Variants in ST6GAL1 observed in about 807,000 individuals in gnomAD.
ST6GAL1 encodes the protein beta-galactoside alpha-2,6-sialyltransferase 1.
ST6GAL1 carries 20 observed loss-of-function variants against 38.0 expected under a neutral mutation model. That is an observed-to-expected ratio of 0.53 (90% CI 0.37 to 0.77). ST6GAL1 has a LOEUF of 0.77. Among genes scored for constraint, ST6GAL1 ranks in the 30% least tolerant of loss-of-function variants. The pLI is 0.00. For missense variants in ST6GAL1, 432 were observed against 496.4 expected (o/e 0.87, Z 1.23); for synonymous variants, 196 against 188.2 (o/e 1.04, Z -0.34).
intron 5 of ST6GAL1, among the ~76,000 whole-genome samples, chr3:187,053,476 T>C (rs1322651996): frequency 6.6e-6 from 1 of 152,234 alleles, no homozygotes; most frequent in Non-Finnish European, 1.5e-5. Context: ...AATTTTTGTG[T>C]AAGGTGTAAG....
At chr3:186,977,470 G>A (rs1013089470) in intron 2 of ST6GAL1, among the ~76,000 whole-genome samples, 4 of 152,180 alleles carry the variant, frequency 2.6e-5, no homozygotes, top group East Asian at 3.9e-4. Flanking sequence ...TGCCCTTGCC[G>A]GGAACAGCTG....
Position 187,075,895 on chromosome 3 carries a change from G to A in ST6GAL1, c.*92G>A. 6.5e-7 allele frequency: 1 copy of A among 1,549,564 alleles called. No homozygotes were observed. The highest frequency in any genetic ancestry group is 1.2e-5 in the South Asian group (1 of 80,260). ...AAGAACATTTTCCTGAACAATTCCA[G>A]CCTGCTCCTTTTACTCTAGGGGCCT... On this transcript the variant is annotated 3_prime_UTR_variant, in exon 8 of 8. Coordinates refer to ENST00000169298, the MANE Select transcript of ST6GAL1 (RefSeq NM_173216.2). This position sits in a 1 kb window ranked among gnomAD's most constrained non-coding sequence, Gnocchi z 4.1.
At chr3:186,995,035 C>T (rs1428743752) in intron 2 of ST6GAL1, among the ~76,000 whole-genome samples, 1 of 151,856 alleles carries the variant, frequency 6.6e-6, no homozygotes, top group Non-Finnish European at 1.5e-5. Flanking sequence ...TTCCTTAATA[C>T]CAGATATGGA....
intron 2 of ST6GAL1, among the ~76,000 whole-genome samples, chr3:186,964,684 C>T (rs1265610320): frequency 2.6e-5 from 4 of 152,064 alleles, no homozygotes; most frequent in Non-Finnish European, 5.9e-5. Flanking sequence ...TTGTTAAAAA[C>T]GATTAAAAAC....
chr3:187,029,102 A>AT (rs1717650904), intron 2 of ST6GAL1, among the ~76,000 whole-genome samples: 1 of 151,318 alleles, frequency 6.6e-6, no homozygotes, highest in African/African-American at 2.4e-5. Context: ...AAAAAAAAGA[A>AT]TTTTTCATAG....
chr3:187,006,477 T>C (rs769246531), intron 2 of ST6GAL1: 6 of 152,230 alleles, frequency 3.9e-5, no homozygotes, highest in Non-Finnish European at 8.8e-5. Flanking sequence ...TTTCCCTGCA[T>C]AGGGTTCTCT....
intron 2 of ST6GAL1, among the ~76,000 whole-genome samples, chr3:187,012,308 A>G (rs889929635): frequency 1.7e-4 from 25 of 150,744 alleles, no homozygotes; most frequent in Non-Finnish European, 3.2e-4. Context: ...CCCAGGCTGG[A>G]GTGCAGTGGC....
At chr3:186,941,531 A>T (rs1714173041) in intron 1 of ST6GAL1, among the ~76,000 whole-genome samples, 1 of 152,082 alleles carries the variant, frequency 6.6e-6, no homozygotes, top group South Asian at 2.1e-4. Flanking sequence ...ATGCGGAAGA[A>T]ATCACACTTC....
At chr3:187,005,976 G>A (rs1716773307) in intron 2 of ST6GAL1, among the ~76,000 whole-genome samples, 1 of 152,128 alleles carries the variant, frequency 6.6e-6, no homozygotes, top group South Asian at 2.1e-4. Context: ...TGACCTTGAG[G>A]ATGAGGGAAG....
chr3:186,931,601 AAG>A (rs1345065131), intron 1 of ST6GAL1, among the ~76,000 whole-genome samples: 4 of 152,194 alleles, frequency 2.6e-5, no homozygotes, highest in South Asian at 2.1e-4. Flanking sequence ...CCCTCAAAAA[AAG>A]AGAGTGCTGG....
intron 2 of ST6GAL1, among the ~76,000 whole-genome samples, chr3:187,022,344 C>G (rs1717349510): frequency 6.6e-6 from 1 of 152,188 alleles, no homozygotes; most frequent in African/African-American, 2.4e-5. Flanking sequence ...AGAGTTTTCC[C>G]TACACAGGGA....
intron 5 of ST6GAL1, chr3:187,072,493 A>G: frequency 3.0e-6 from 1 of 338,060 alleles, no homozygotes; most frequent in Non-Finnish European, 5.8e-6. Context: ...TTTTGATTAT[A>G]TGAGTCCCTG....
intron 2 of ST6GAL1, among the ~76,000 whole-genome samples, chr3:186,973,587 G>A (rs1000495647): frequency 6.6e-6 from 1 of 152,202 alleles, no homozygotes; most frequent in Non-Finnish European, 1.5e-5. Flanking sequence ...ACAGATCTGA[G>A]TTCCAATTGC....
intron 1 of ST6GAL1, among the ~76,000 whole-genome samples, chr3:186,945,768 C>T (rs562904122): frequency 4.7e-5 from 7 of 150,242 alleles, no homozygotes; most frequent in South Asian, 2.1e-4. Context: ...GGGTGGATCA[C>T]GAGATCAGGA....
intron 2 of ST6GAL1, among the ~76,000 whole-genome samples, chr3:186,987,609 T>C (rs1326684635): frequency 6.6e-6 from 1 of 152,218 alleles, no homozygotes; most frequent in East Asian, 1.9e-4. Context: ...TGAGGAAACC[T>C]GAAAATGTTT....
chr3:186,981,376 G>GA, intron 2 of ST6GAL1, among the ~76,000 whole-genome samples: 1 of 152,284 alleles, frequency 6.6e-6, no homozygotes, highest in South Asian at 2.1e-4. Flanking sequence ...TGCTTATGTA[G>GA]AAGCTCTGGT....
intron 1 of ST6GAL1, among the ~76,000 whole-genome samples, chr3:186,938,801 C>CCG (rs1472973390): frequency 6.6e-6 from 1 of 152,186 alleles, no homozygotes; most frequent in Non-Finnish European, 1.5e-5. Context: ...CATGGCTGAT[C>CCG]CGTAACCCCA....
chr3:186,982,157 A>G (rs1383881185), intron 2 of ST6GAL1, among the ~76,000 whole-genome samples: 1 of 152,178 alleles, frequency 6.6e-6, no homozygotes, highest in Non-Finnish European at 1.5e-5. Flanking sequence ...TGCTTATACC[A>G]TTTTGCCTCA....
At chr3:187,056,177 C>T (rs544794094) in intron 5 of ST6GAL1, among the ~76,000 whole-genome samples, 6 of 151,942 alleles carry the variant, frequency 3.9e-5, no homozygotes, top group African/African-American at 1.4e-4. Flanking sequence ...TCCTCCATCC[C>T]TTTATTTTGA....
Sources: allele counts gnomAD v4.1 joint callset (sites outside exome capture counted in the v4.1 genomes callset), GRCh38; gene constraint gnomAD v4.1.1; non-coding constraint Gnocchi (gnomAD v3.1); transcripts MANE v1.5; gene names NCBI Gene and HGNC (gene_info 2026-07-23, HGNC 2026-07-21).